TTC28: variants seen among roughly 807,000 people sequenced by gnomAD.
TTC28 encodes tetratricopeptide repeat domain 28, also known as tetratricopeptide repeat protein 28.
A neutral mutation model predicts 198.0 loss-of-function variants in TTC28; 61 were observed. That is an observed-to-expected ratio of 0.31 (90% CI 0.25 to 0.38). TTC28 has a LOEUF of 0.38. TTC28 is among the 10% of genes least tolerant of loss of function. The pLI is 1.00. For missense variants in TTC28, 2,678 were observed against 3,164.0 expected (o/e 0.85, Z 3.69); for synonymous variants, 1,171 against 1,297.8 (o/e 0.90, Z 2.10).
chr22:28,109,344 AG>A (rs1227017253), intron 6 of TTC28, among the ~76,000 whole-genome samples: 1 of 152,262 alleles, frequency 6.6e-6, no homozygotes, highest in African/African-American at 2.4e-5. Flanking sequence ...TGGAAAAATC[AG>A]GAAAAAATGC....
intron 5 of TTC28, among the ~76,000 whole-genome samples, chr22:28,223,375 T>C (rs1928033376): frequency 6.6e-6 from 1 of 152,228 alleles, no homozygotes; most frequent in African/African-American, 2.4e-5. Context: ...GATACCTTGG[T>C]TTCTTCTTCA....
intron 6 of TTC28, among the ~76,000 whole-genome samples, chr22:28,122,231 T>C (rs1330834472): frequency 6.6e-6 from 1 of 152,116 alleles, no homozygotes; most frequent in Admixed American, 6.6e-5. Context: ...GTCATGAGGT[T>C]TGAAGCTTCA....
At chr22:28,641,239 A>T (rs1424687939) in intron 1 of TTC28, among the ~76,000 whole-genome samples, 1 of 151,890 alleles carries the variant, frequency 6.6e-6, no homozygotes, top group East Asian at 1.9e-4. Context: ...CAGGGGAATC[A>T]CTTGAACCCA....
intron 21 of TTC28, among the ~76,000 whole-genome samples, chr22:27,989,350 A>C (rs1205105157): frequency 1.3e-5 from 2 of 152,142 alleles, no homozygotes; most frequent in Middle Eastern, 3.2e-3. Flanking sequence ...TTATGACTCT[A>C]ATTTTAGTTT....
At chr22:28,199,982 C>T (rs1925783043) in intron 5 of TTC28, among the ~76,000 whole-genome samples, 1 of 151,990 alleles carries the variant, frequency 6.6e-6, no homozygotes, top group South Asian at 2.1e-4. Flanking sequence ...CAATAATTAT[C>T]TTTGAGCCAT....
At chr22:28,143,010 C>T (rs1027648352) in intron 6 of TTC28, among the ~76,000 whole-genome samples, 7 of 152,110 alleles carry the variant, frequency 4.6e-5, no homozygotes, top group African/African-American at 1.2e-4. Context: ...GGATAGTGGT[C>T]GCATTTTCTG....
chr22:28,242,735 T>C (rs1479657088), intron 5 of TTC28, among the ~76,000 whole-genome samples: 1 of 152,186 alleles, frequency 6.6e-6, no homozygotes, highest in Non-Finnish European at 1.5e-5. Context: ...ATTAACCAAC[T>C]AATTACTGGT....
chr22:28,279,289 T>A (rs1005089967), intron 5 of TTC28, among the ~76,000 whole-genome samples: 9 of 152,190 alleles, frequency 5.9e-5, no homozygotes, highest in Admixed American at 5.9e-4. Context: ...TCAGCATGTA[T>A]ATCACTAACT....
At chr22:28,318,161 C>T (rs964841433) in intron 2 of TTC28, among the ~76,000 whole-genome samples, 25 of 151,504 alleles carry the variant, frequency 1.7e-4, no homozygotes, top group Admixed American at 4.0e-4. Flanking sequence ...CCTCCTGCCT[C>T]GGCCTCCCAC....
In TTC28 at chr22:27,993,384, G is replaced by A. The variant is rs1360308454; in HGVS notation, c.5379C>T (p.Asp1793=). The change falls in exon 18 of 23, where the codon GAC becomes GAT. Residue 1793 remains aspartate (D), a synonymous_variant. Transcript: ENST00000397906. Reference sequence around the variant, plus strand: ...CCGCTGGCAGGCCACTGGTTGGGGGGTCCAGCCGGAAGCCCACAGCGGTGA... The same window carrying A: ...CCGCTGGCAGGCCACTGGTTGGGGGATCCAGCCGGAAGCCCACAGCGGTGA... ...ALLTAVGFRL[D]PPTSGLPAAV... 2 of 1,551,036 alleles carry A rather than the reference G, an allele frequency of 1.3e-6. No homozygotes were observed. The highest frequency in any genetic ancestry group is 3.9e-5 in the Admixed American group (2 of 50,982).
chr22:28,368,172 T>C (rs1039408958), intron 2 of TTC28, among the ~76,000 whole-genome samples: 2 of 151,932 alleles, frequency 1.3e-5, no homozygotes, highest in African/African-American at 2.4e-5. Context: ...TACTAGCATA[T>C]TGGATTCAAC....
At chr22:27,998,319 G>T in intron 16 of TTC28, 1 of 738,680 alleles carries the variant, frequency 1.4e-6, no homozygotes, top group Non-Finnish European at 2.1e-6. Context: ...TACACTCATG[G>T]CAAATGGTTC....
chr22:28,675,057 A>C (rs1288887185), intron 1 of TTC28, among the ~76,000 whole-genome samples: 1 of 152,188 alleles, frequency 6.6e-6, no homozygotes, highest in Non-Finnish European at 1.5e-5. Context: ...CATCAAGAGA[A>C]CAGAACTTAA....
intron 2 of TTC28, among the ~76,000 whole-genome samples, chr22:28,612,985 A>C (rs2050844222): frequency 6.6e-6 from 1 of 152,176 alleles, no homozygotes; most frequent in Admixed American, 6.5e-5. Flanking sequence ...CTAAGATCAG[A>C]GCAGAACTGA....
intron 2 of TTC28, among the ~76,000 whole-genome samples, chr22:28,502,060 A>G (rs888607481): frequency 1.2e-4 from 18 of 152,238 alleles, no homozygotes; most frequent in Admixed American, 3.3e-4. Flanking sequence ...CATGGTTAAT[A>G]TATGACTCTC....
In TTC28 at chr22:28,334,946, T is replaced by A. The variant is rs1474989507; in HGVS notation, c.382-28303A>T. Among the ~76,000 whole-genome samples, 4 of 152,208 alleles carry A rather than the reference T, an allele frequency of 2.6e-5. No homozygotes were observed. In the East Asian group the frequency reaches 7.7e-4, roughly 29 times the overall value. The stretch of plus-strand genomic sequence containing the variant: ...TCCTTGGCCATGCCTATGTCCTGAA[T>A]GGTATTGCCTAGGTTTTCTTCTAGG... On this transcript the variant is annotated intron_variant, in intron 2 of 22. Coordinates refer to ENST00000397906, the MANE Select transcript of TTC28 (RefSeq NM_001145418.2).
intron 12 of TTC28, among the ~76,000 whole-genome samples, chr22:28,065,018 T>C (rs909051286): frequency 6.6e-6 from 1 of 152,228 alleles, no homozygotes; most frequent in South Asian, 2.1e-4. Flanking sequence ...ATCATTTTGA[T>C]ACATTATACA....
In TTC28 at chr22:28,293,518, T is replaced by C. The variant is rs572285334; in HGVS notation, c.933+2680A>G. Among the ~76,000 whole-genome samples, 7 of 152,076 alleles carry C rather than the reference T, an allele frequency of 4.6e-5. No homozygotes were observed. The South Asian group carries it at 1.5e-3, about 32-fold the overall frequency. ...TTGGTTAAAGGGTATACGGTTTCAG[T>C]TATGTAGGATAAATAAGTTCTAGAG... is the stretch of plus-strand genomic sequence containing the variant. On this transcript the variant is annotated intron_variant, in intron 5 of 22. Coordinates refer to ENST00000397906, the MANE Select transcript of TTC28 (RefSeq NM_001145418.2).
chr22:28,203,422 G>A (rs1167024537), intron 5 of TTC28, among the ~76,000 whole-genome samples: 4 of 152,042 alleles, frequency 2.6e-5, no homozygotes, highest in Admixed American at 2.0e-4. Flanking sequence ...ACCTGTAAAT[G>A]TTCTTCATAT....
Sources: gnomAD v4.1 joint callset for allele counts (sites outside exome capture counted in the v4.1 genomes callset) on GRCh38, gnomAD v4.1.1 for gene constraint, MANE v1.5 for transcripts, NCBI Gene and HGNC (gene_info 2026-07-23, HGNC 2026-07-21) for gene names.